COL4A4: variants seen among roughly 807,000 people sequenced by gnomAD.
COL4A4 encodes collagen alpha-4(IV) chain.
A neutral mutation model predicts 192.9 loss-of-function variants in COL4A4; 105 were observed. The ratio of observed to expected loss-of-function variants is 0.54; its 90% CI spans 0.46 to 0.64. The LOEUF (loss-of-function observed/expected upper bound fraction) is 0.64, where lower values mean the gene tolerates loss of function less well. Among genes scored for constraint, COL4A4 ranks in the 30% least tolerant of loss-of-function variants. The pLI is 0.00. For synonymous variants in COL4A4, 762 were observed against 769.9 expected (o/e 0.99, Z 0.17); for missense variants, 1,967 against 2,169.3 (o/e 0.91, Z 1.85).
At chr2:227,153,865 A>C (rs376717189) in intron 1 of COL4A4, among the ~76,000 whole-genome samples, 39 of 152,212 alleles carry the variant, frequency 2.6e-4, no homozygotes, top group Admixed American at 1.8e-3. Context: ...TGATCAGCTT[A>C]CTCCTGAGAG....
At chr2:227,083,000 AG>A (rs1253549707) in intron 22 of COL4A4, among the ~76,000 whole-genome samples, 3 of 152,170 alleles carry the variant, frequency 2.0e-5, no homozygotes, top group Non-Finnish European at 4.4e-5. Flanking sequence ...AGGCCAAGGA[AG>A]GCGGATCACT....
chr2:227,050,109 G>A lies in COL4A4; in HGVS notation c.3173C>T (p.Pro1058Leu). Residue 1058 changes from proline (P) to leucine (L), a missense_variant, in exon 34 of 48, where the codon CCC becomes CTC. Pro to Leu is a moderately conservative substitution (Grantham distance 98). Transcript: ENST00000396625. ...TCCATCAATTCCTGAAAATCCAGGG[G>A]GACCTGGAGAACCTGGCTCACCCTG... Reference protein sequence around the residue: ...GDQGEPGSPGPPGFSGIDGAR... With the variant: ...GDQGEPGSPGLPGFSGIDGAR... The A allele has an allele frequency of 6.2e-7, 1 of 1,614,072 alleles. No individual in the cohort carries two copies. The highest frequency in any genetic ancestry group is 8.5e-7 in the Non-Finnish European group (1 of 1,179,952).
chr2:226,970,567 C>G, the COL4A4 span, among the ~76,000 whole-genome samples: 1 of 152,190 alleles, frequency 6.6e-6, no homozygotes, highest in African/African-American at 2.4e-5. Flanking sequence ...AGGTCCATTT[C>G]TCTTCTCAGG....
intron 37 of COL4A4, among the ~76,000 whole-genome samples, chr2:227,040,619 G>A (rs574773191): frequency 1.3e-4 from 20 of 149,522 alleles, no homozygotes; most frequent in South Asian, 8.5e-4. Context: ...AGGCTGGAGC[G>A]CAGTGGCACG....
chr2:227,081,248 C>T (rs1487623383), intron 23 of COL4A4, among the ~76,000 whole-genome samples: 1 of 152,200 alleles, frequency 6.6e-6, no homozygotes, highest in Non-Finnish European at 1.5e-5. Context: ...GGAAGACCTA[C>T]TCCCAATGTG....
chr2:227,060,119 A>AAAAAAAAAAAAAC lies in COL4A4; in HGVS notation c.2164+16_2164+17insGTTTTTTTTTTTT. On this transcript the variant is annotated intron_variant, in intron 27 of 47. Coordinates refer to ENST00000396625, the MANE Select transcript of COL4A4 (RefSeq NM_000092.5). ...CAAAGCAGAAAAAAAAAAAAAAAAA[A>AAAAAAAAAAAAAC]AAAAAACCTCACTGACCAGGTGGAC... 7.2e-7 allele frequency: 1 copy of AAAAAAAAAAAAAC among 1,391,160 alleles called. No homozygotes were observed. Among genetic ancestry groups the AAAAAAAAAAAAAC allele is most frequent in the East Asian group, 2.3e-5 (1 of 43,902 alleles). The allele number at this position is 1,391,160 out of a possible 1,614,324, so 86.2% of individuals were successfully genotyped here.
rs892576800 is a variant in COL4A4 at position 227,010,324 on chromosome 2, T to C, written c.4511A>G (p.Asn1504Ser). ...LYLEGQEKAHNQDLGLAGSCL... is the reference protein window; with the variant it reads ...LYLEGQEKAHSQDLGLAGSCL... ...TCCTGTATCCATACCAAGGTCTTGA[T>C]TGTGAGCTTTCTCTTGCCCTTCCAG... is the stretch of plus-strand genomic sequence containing the variant. Residue 1504 changes from asparagine (N) to serine (S), a missense_variant, in exon 46 of 48, where the codon AAT (asparagine) becomes AGT (serine). Transcript: ENST00000396625. 3.1e-6 allele frequency: 5 copies of C among 1,614,234 alleles called. No individual in the cohort carries two copies. Among genetic ancestry groups the C allele is most frequent in the Non-Finnish European group, 4.2e-6 (5 of 1,180,042 alleles).
At chr2:227,159,001 T>C (rs2064583815) in intron 1 of COL4A4, among the ~76,000 whole-genome samples, 2 of 152,150 alleles carry the variant, frequency 1.3e-5, no homozygotes, top group African/African-American at 2.4e-5. Context: ...ACAAAAAGAC[T>C]TGTAGAAAAA....
chr2:227,073,755 A>G (rs1468863571), intron 25 of COL4A4, among the ~76,000 whole-genome samples: 1 of 152,106 alleles, frequency 6.6e-6, no homozygotes, highest in Non-Finnish European at 1.5e-5. Context: ...ATCTACAGCT[A>G]ACTGATCTTT....
chr2:227,041,788 G>GGAAGGA, intron 37 of COL4A4, among the ~76,000 whole-genome samples: 1 of 33,474 alleles, frequency 3.0e-5, no homozygotes, highest in Non-Finnish European at 5.0e-5. Flanking sequence ...GGAAGGAAGG[G>GGAAGGA]AAAGAAAGAA....
chr2:227,050,719 A>G (rs1973901648), intron 33 of COL4A4, among the ~76,000 whole-genome samples: 1 of 152,198 alleles, frequency 6.6e-6, no homozygotes, highest in Non-Finnish European at 1.5e-5. Flanking sequence ...GCAAGTCTTC[A>G]TGGGTGGTTT....
chr2:226,973,367 G>A, the COL4A4 span, among the ~76,000 whole-genome samples: 1 of 152,208 alleles, frequency 6.6e-6, no homozygotes, highest in African/African-American at 2.4e-5. Context: ...ACCAAGAAGT[G>A]GGTGCCTGGG....
chr2:227,096,501 T>A (rs535168612), intron 19 of COL4A4, among the ~76,000 whole-genome samples: 13 of 152,280 alleles, frequency 8.5e-5, no homozygotes, highest in African/African-American at 3.1e-4. Flanking sequence ...CATACAAACA[T>A]ATTCACTCCT....
chr2:227,142,248 A>G (rs1472891036), intron 3 of COL4A4, among the ~76,000 whole-genome samples: 3 of 152,210 alleles, frequency 2.0e-5, no homozygotes, highest in Non-Finnish European at 4.4e-5. Context: ...GGGTGAAATT[A>G]TAGAGGTCTG....
intron 43 of COL4A4, among the ~76,000 whole-genome samples, chr2:227,023,838 C>G (rs1966491775): frequency 6.6e-6 from 1 of 151,944 alleles, no homozygotes; most frequent in Non-Finnish European, 1.5e-5. Context: ...ATGGTGAAAC[C>G]CTGTCTCTAC....
In COL4A4 at chr2:227,004,543, C is replaced by T. The variant is rs1961673415; in HGVS notation, c.*2782G>A. On this transcript the variant is annotated 3_prime_UTR_variant, in exon 48 of 48. Transcript: ENST00000396625. Reference sequence around the variant, plus strand: ...AGTTTGGGTGGATCTTAGATGGCAACTGGGATTTGAAACTAAGGCACCAAC... The same window carrying T: ...AGTTTGGGTGGATCTTAGATGGCAATTGGGATTTGAAACTAAGGCACCAAC... 1 of 152,162 alleles carries T rather than the reference C, an allele frequency of 6.6e-6. No individual in the cohort carries two copies. The highest frequency in any genetic ancestry group is 1.5e-5 in the Non-Finnish European group (1 of 68,066). The allele number at this position is 152,162 out of a possible 1,614,324, so 9.4% of individuals were successfully genotyped here. A position where few individuals can be genotyped will look rare whatever the true frequency, so the allele number is the denominator to read the frequency against.
intron 26 of COL4A4, among the ~76,000 whole-genome samples, chr2:227,061,891 A>T (rs987382900): frequency 2.6e-5 from 4 of 152,222 alleles, no homozygotes; most frequent in African/African-American, 9.6e-5. Context: ...TACAATCAAT[A>T]AACAAGTGAT....
intron 1 of COL4A4, among the ~76,000 whole-genome samples, chr2:227,150,191 T>G (rs1380718318): frequency 6.6e-6 from 1 of 152,084 alleles, no homozygotes; most frequent in Non-Finnish European, 1.5e-5. Flanking sequence ...ACTTTGACTA[T>G]AAGTGAGGGC....
chr2:227,085,485 C>T (rs754057120), intron 22 of COL4A4, among the ~76,000 whole-genome samples: 23 of 152,128 alleles, frequency 1.5e-4, no homozygotes, highest in Admixed American at 4.6e-4. Flanking sequence ...TACCTGAGGC[C>T]GGGTAATTTG....
Sources: allele counts gnomAD v4.1 joint callset (sites outside exome capture counted in the v4.1 genomes callset), GRCh38; gene constraint gnomAD v4.1.1; transcripts MANE v1.5; gene names NCBI Gene and HGNC (gene_info 2026-07-23, HGNC 2026-07-21).